PPP2R2C: variants seen among roughly 807,000 people sequenced by gnomAD.
PPP2R2C encodes the protein protein phosphatase 2, regulatory subunit B, gamma.
Under a neutral mutation model 45.3 loss-of-function variants are expected in PPP2R2C, and 10 were observed. That is an observed-to-expected ratio of 0.22 (90% CI 0.14 to 0.37). The LOEUF (loss-of-function observed/expected upper bound fraction) is 0.37. Ranked by LOEUF, PPP2R2C falls within the 10% of genes least tolerant of loss-of-function variation. The pLI, the probability that PPP2R2C is intolerant of heterozygous loss-of-function variation, is 1.00. For synonymous variants in PPP2R2C, 257 were observed against 245.4 expected, an observed-to-expected ratio of 1.05 and a Z score of -0.44; for missense variants, 308 against 619.7, an observed-to-expected ratio of 0.50 and a Z score of 5.34.
intron 5 of PPP2R2C, among the ~76,000 whole-genome samples, chr4:6,354,044 C>A (rs34119137): frequency 0.071 from 10,439 of 146,824 alleles, 800 homozygotes; most frequent in East Asian, 0.33. Context: ...TCATTCTAAG[C>A]CCTTCCCTTG....
intron 5 of PPP2R2C, among the ~76,000 whole-genome samples, chr4:6,363,317 G>A (rs781775310): frequency 5.0e-4 from 76 of 152,150 alleles, no homozygotes; most frequent in African/African-American, 5.6e-4. Flanking sequence ...GGTGGCTAAC[G>A]CCTGTAAACC....
intron 2 of PPP2R2C, among the ~76,000 whole-genome samples, chr4:6,506,728 C>T (rs1233041612): frequency 6.6e-6 from 1 of 152,150 alleles, no homozygotes; most frequent in African/African-American, 2.4e-5. Context: ...CTGAGCTGTT[C>T]CTTCTTGGTG....
At chr4:6,561,842 C>A (rs906138654) in intron 1 of PPP2R2C, among the ~76,000 whole-genome samples, 6 of 152,244 alleles carry the variant, frequency 3.9e-5, no homozygotes, top group Non-Finnish European at 8.8e-5. Context: ...GAAGGTTCTA[C>A]ATCGAGCCTG....
At chr4:6,486,586 C>T (rs1003312462) in intron 2 of PPP2R2C, among the ~76,000 whole-genome samples, 3 of 151,976 alleles carry the variant, frequency 2.0e-5, no homozygotes, top group Non-Finnish European at 4.4e-5. Flanking sequence ...TAATTGTTCC[C>T]TTTATCATTA....
In PPP2R2C at chr4:6,355,302, A is replaced by C. The variant is rs1039202081; in HGVS notation, c.626-7292T>G. ...CAAGGGGAAGCAGCTGTTAAAGTTGAGATAAGAGGCATGGTCACAACAGTC... is the reference window on the plus strand; with the variant it reads ...CAAGGGGAAGCAGCTGTTAAAGTTGCGATAAGAGGCATGGTCACAACAGTC... On this transcript the variant is annotated intron_variant, in intron 5 of 8. Coordinates refer to ENST00000382599, the MANE Select transcript of PPP2R2C (RefSeq NM_020416.4). Among the ~76,000 whole-genome samples the C allele has an allele frequency of 1.9e-4, 29 of 152,118 alleles. 1 individual carries two copies.
At chr4:6,370,102 G>A (rs1168768537) in intron 5 of PPP2R2C, among the ~76,000 whole-genome samples, 1 of 152,230 alleles carries the variant, frequency 6.6e-6, no homozygotes, top group Non-Finnish European at 1.5e-5. Context: ...GAAGGAAGCA[G>A]GTGCTCGAGA....
intron 5 of PPP2R2C, among the ~76,000 whole-genome samples, chr4:6,355,169 C>G (rs905836101): frequency 1.3e-5 from 2 of 152,032 alleles, no homozygotes; most frequent in East Asian, 3.9e-4. Context: ...CCTTCAGTGC[C>G]TGGCACACAG....
Position 6,328,176 on chromosome 4 carries a change from G to T in PPP2R2C, c.1052+1086C>A, listed in dbSNP as rs116697867. On this transcript the variant is annotated intron_variant, in intron 8 of 8. Coordinates refer to ENST00000382599, the MANE Select transcript of PPP2R2C (RefSeq NM_020416.4). This position sits in a 1 kb window ranked among gnomAD's most constrained non-coding sequence, Gnocchi z 4.4. The stretch of plus-strand genomic sequence containing the variant: ...ACCAGGTGATGCCCAAGTCAGGGCT[G>T]CTGGCTCTCACTCCACCCTCCTTGC... Among the ~76,000 whole-genome samples, 1 of 152,196 alleles carries T rather than the reference G, an allele frequency of 6.6e-6. No individual in the cohort carries two copies. The highest frequency in any genetic ancestry group is 2.4e-5 in the African/African-American group (1 of 41,446).
chr4:6,404,769 G>A (rs563489750), intron 1 of PPP2R2C, among the ~76,000 whole-genome samples: 30 of 152,342 alleles, frequency 2.0e-4, no homozygotes, highest in South Asian at 6.2e-4. Context: ...ACGGAAAAGC[G>A]AGGTGGATTC....
rs1717464712 is a variant in PPP2R2C at position 6,402,221 on chromosome 4, C to CCA, written c.71-21129_71-21128dup. Among the ~76,000 whole-genome samples, 2 of 152,180 alleles carry CCA rather than the reference C, an allele frequency of 1.3e-5. 1 individual carries two copies. Among genetic ancestry groups the CCA allele is most frequent in the South Asian group, 4.1e-4 (2 of 4,824 alleles). On this transcript the variant is annotated intron_variant, in intron 1 of 8. Transcript: ENST00000382599. The stretch of plus-strand genomic sequence containing the variant: ...GGGTCACAGAGCAGGTAAGTGGTGC[C>CCA]CACAGGTACACAGGAAGGCTGCGCA...
chr4:6,457,680 G>A (rs1721115912), intron 1 of PPP2R2C, among the ~76,000 whole-genome samples: 1 of 152,078 alleles, frequency 6.6e-6, no homozygotes, highest in African/African-American at 2.4e-5. Context: ...AACCGGGAAA[G>A]TTTTTTTAAA....
Position 6,331,568 on chromosome 4 carries a change from T to G in PPP2R2C, c.960+1994A>C, listed in dbSNP as rs1732415526. On this transcript the variant is annotated intron_variant, in intron 7 of 8. Coordinates refer to ENST00000382599, the MANE Select transcript of PPP2R2C (RefSeq NM_020416.4). This position sits in a 1 kb window ranked among gnomAD's most constrained non-coding sequence, Gnocchi z 5.9. ...GGTGTAAGAAGTCTTCTGAGAAGCA[T>G]TCTGGGGAAGATTTTACAATCACAG... Among the ~76,000 whole-genome samples the G allele has an allele frequency of 6.6e-6, 1 of 152,152 alleles. No individual in the cohort carries two copies. Among genetic ancestry groups the G allele is most frequent in the African/African-American group, 2.4e-5 (1 of 41,432 alleles).
intron 2 of PPP2R2C, chr4:6,523,359 C>G (rs1724086831): frequency 6.6e-6 from 1 of 152,276 alleles, no homozygotes; most frequent in South Asian, 2.1e-4. Flanking sequence ...CTCACCCTCT[C>G]TGATCCTTGT....
At chr4:6,556,139 T>C (rs2108844077) in intron 1 of PPP2R2C, among the ~76,000 whole-genome samples, 1 of 152,266 alleles carries the variant, frequency 6.6e-6, no homozygotes, top group African/African-American at 2.4e-5. Flanking sequence ...ATGTGTCAAC[T>C]TGACGGGGCC....
chr4:6,406,585 C>T (rs966986519), intron 1 of PPP2R2C, among the ~76,000 whole-genome samples: 8 of 136,818 alleles, frequency 5.8e-5, no homozygotes, highest in African/African-American at 1.2e-4. Context: ...CCTGTCTCTA[C>T]TAAAGAAAAA....
intron 1 of PPP2R2C, among the ~76,000 whole-genome samples, chr4:6,547,785 C>T (rs769845575): frequency 2.6e-5 from 4 of 152,108 alleles, no homozygotes; most frequent in Non-Finnish European, 5.9e-5. Context: ...GGACACAGGC[C>T]TCTCATCTCA....
chr4:6,347,051 T>G (rs1257449960), intron 6 of PPP2R2C, among the ~76,000 whole-genome samples: 1 of 152,140 alleles, frequency 6.6e-6, no homozygotes, highest in Admixed American at 6.5e-5. Flanking sequence ...TTCAGGGGCC[T>G]CTGGGATGGC....
chr4:6,349,052 G>A, intron 5 of PPP2R2C: 1 of 985,230 alleles, frequency 1.0e-6, no homozygotes, highest in Non-Finnish European at 1.2e-6. Flanking sequence ...TCCCTTCCCT[G>A]CTGCCCAGCA....
intron 1 of PPP2R2C, among the ~76,000 whole-genome samples, chr4:6,412,698 G>C (rs917247046): frequency 1.3e-5 from 2 of 152,194 alleles, no homozygotes; most frequent in African/African-American, 4.8e-5. Context: ...GACGGTCACA[G>C]ATGGAATGGC....
Sources: allele counts gnomAD v4.1 joint callset (sites outside exome capture counted in the v4.1 genomes callset), GRCh38; gene constraint gnomAD v4.1.1; non-coding constraint Gnocchi (gnomAD v3.1); transcripts MANE v1.5; gene names NCBI Gene and HGNC (gene_info 2026-07-23, HGNC 2026-07-21).